Variants in NCAM1 observed in about 807,000 individuals in gnomAD.
NCAM1 encodes antigen recognized by monoclonal antibody 5.1H11.
A neutral mutation model predicts 109.8 loss-of-function variants in NCAM1; 14 were observed. The observed-to-expected ratio is 0.13, with a 90% CI of 0.08 to 0.20. NCAM1 has a LOEUF of 0.20. Ranked by LOEUF, NCAM1 falls within the 10% of genes least tolerant of loss-of-function variation. NCAM1 has a pLI of 1.00. For synonymous variants in NCAM1, 418 were observed against 442.9 expected, an observed-to-expected ratio of 0.94 and a Z score of 0.70; for missense variants, 774 against 1,109.9, an observed-to-expected ratio of 0.70 and a Z score of 4.30.
chr11:113,023,135 C>T (rs1952439970), intron 1 of NCAM1, among the ~76,000 whole-genome samples: 1 of 152,208 alleles, frequency 6.6e-6, no homozygotes, highest in Admixed American at 6.5e-5. Flanking sequence ...AGATACTATA[C>T]TGTTTATGCA....
In NCAM1 at chr11:113,211,221, A is replaced by G. The variant is rs1171706937; in HGVS notation, c.917-3148A>G. On this transcript the variant is annotated intron_variant, in intron 7 of 19. Coordinates refer to ENST00000316851, the MANE Select transcript of NCAM1 (RefSeq NM_181351.5). ...TTCCAACTTGCCATTGTGGCCCATC[A>G]CTGGGGGAGAAATGGGACAGGTTCT... 2.0e-5 allele frequency among the ~76,000 whole-genome samples: 3 copies of G among 152,032 alleles called. No homozygotes were observed. The South Asian group carries it at 6.2e-4, about 32-fold the overall frequency.
intron 1 of NCAM1, among the ~76,000 whole-genome samples, chr11:113,190,347 GAGA>G (rs1943639729): frequency 6.6e-6 from 1 of 152,222 alleles, no homozygotes; most frequent in African/African-American, 2.4e-5. Context: ...TTAACTAACT[GAGA>G]AGGAGAAAGT....
intron 1 of NCAM1, among the ~76,000 whole-genome samples, chr11:113,172,040 C>G (rs572751850): frequency 6.6e-6 from 1 of 152,280 alleles, no homozygotes; most frequent in South Asian, 2.1e-4. Context: ...GTTACCTGGA[C>G]AGTACCATAG....
chr11:113,140,519 G>A (rs577529475), intron 1 of NCAM1, among the ~76,000 whole-genome samples: 3 of 152,302 alleles, frequency 2.0e-5, no homozygotes, highest in African/African-American at 7.2e-5. Context: ...TAAAGCTGAT[G>A]GTCAGCTGTA....
intron 1 of NCAM1, among the ~76,000 whole-genome samples, chr11:112,977,739 G>T (rs1951043242): frequency 6.6e-6 from 1 of 151,818 alleles, no homozygotes; most frequent in Admixed American, 6.6e-5. Flanking sequence ...ATAAACAGTG[G>T]AAATAATTGT....
At chr11:113,134,010 G>C (rs1941508007) in intron 1 of NCAM1, 2 of 150,740 alleles carry the variant, frequency 1.3e-5, no homozygotes, top group South Asian at 4.2e-4. Context: ...ATATAAAATT[G>C]ACCATGTTAA....
chr11:113,271,915 G>T lies in NCAM1; in HGVS notation c.2456+39G>T, dbSNP rs1565542518. The T allele has an allele frequency of 3.4e-6, 5 of 1,485,280 alleles. No individual in the cohort carries two copies. In the East Asian group the frequency reaches 1.0e-4, roughly 30 times the overall value. The allele number at this position is 1,485,280 out of a possible 1,614,324, so 92.0% of individuals were successfully genotyped here. ...GAGGGGCTGGCACCTGCTCCGTAGA[G>T]ACCCCCACACCCACCTCCCCACCCT... On this transcript the variant is annotated intron_variant, in intron 19 of 19. Transcript: ENST00000316851.
rs1417683873 is a variant in NCAM1 at position 113,274,649 on chromosome 11, T to C, written c.2457-618T>C. On this transcript the variant is annotated intron_variant, in intron 19 of 19. Coordinates refer to ENST00000316851, the MANE Select transcript of NCAM1 (RefSeq NM_181351.5). This position sits in a 1 kb window ranked among gnomAD's most constrained non-coding sequence, Gnocchi z 4.1. ...CACTCAGCTGCCCTCAACTCTCGCATAGCCACCAGGCCCACTCTAGTACCC... is the reference window on the plus strand; with the variant it reads ...CACTCAGCTGCCCTCAACTCTCGCACAGCCACCAGGCCCACTCTAGTACCC... Among the ~76,000 whole-genome samples, 2 of 152,162 alleles carry C rather than the reference T, an allele frequency of 1.3e-5. No individual in the cohort carries two copies. The highest frequency in any genetic ancestry group is 4.8e-5 in the African/African-American group (2 of 41,460).
chr11:113,277,278 T>TATA lies in NCAM1; in HGVS notation c.*1894_*1896dup. 2 of 398,986 alleles carry TATA rather than the reference T, an allele frequency of 5.0e-6. No homozygotes were observed. Among genetic ancestry groups the TATA allele is most frequent in the East Asian group, 3.6e-5 (1 of 28,082 alleles). 24.7% of individuals were successfully genotyped at this position (398,986 alleles called of 1,614,324 possible). A position where few individuals can be genotyped will look rare whatever the true frequency, so the allele number is the denominator to read the frequency against. ...AGTCTGATCAGTGGCGATGCTAGATTATAATTTCAAACTGTGAAGAATAAT... is the reference window on the plus strand; with the variant it reads ...AGTCTGATCAGTGGCGATGCTAGATTATAATAATTTCAAACTGTGAAGAATAAT... On this transcript the variant is annotated 3_prime_UTR_variant, in exon 20 of 20. Coordinates refer to ENST00000316851, the MANE Select transcript of NCAM1 (RefSeq NM_181351.5).
In NCAM1 at chr11:113,275,339, G is replaced by A. The variant is rs781998057; in HGVS notation, c.2529G>A (p.Thr843=). 8 of 1,613,486 alleles carry A rather than the reference G, an allele frequency of 5.0e-6. No individual in the cohort carries two copies. The highest frequency in any genetic ancestry group is 4.5e-5 in the East Asian group (2 of 44,852). Residue 843 remains threonine (T), a synonymous_variant, in exon 20 of 20, where the codon ACG becomes ACA. Transcript: ENST00000316851. ...AGCCAGCGCCAGCCGAAGTCAAGAC[G>A]GTCCCCAATGACGCCACACAGACAA... is the stretch of plus-strand genomic sequence containing the variant. ...ETKPAPAEVK[T]VPNDATQTKE... is the part of the protein sequence containing the mutation.
rs1950566713 is a variant in NCAM1 at position 112,961,673 on chromosome 11, T to C, written c.52+9T>C. ...TTTCCTGGGAACTGCAGGTACATTT[T>C]TTTTTTTTTTAATTCTCAATCTGGT... On this transcript the variant is annotated intron_variant, in intron 1 of 19. Transcript: ENST00000316851. 7.0e-7 allele frequency: 1 copy of C among 1,432,410 alleles called. No individual in the cohort carries two copies. Among genetic ancestry groups the C allele is most frequent in the Admixed American group, 1.9e-5 (1 of 52,624 alleles). The allele number at this position is 1,432,410 out of a possible 1,614,324, so 88.7% of individuals were successfully genotyped here.
intron 1 of NCAM1, among the ~76,000 whole-genome samples, chr11:113,132,662 G>A (rs564896179): frequency 2.6e-5 from 4 of 151,390 alleles, no homozygotes; most frequent in African/African-American, 9.7e-5. Flanking sequence ...CAGAGCGGGG[G>A]TGGGGGAGCT....
In NCAM1 at chr11:113,237,283, G is replaced by T. The variant is rs542802736; in HGVS notation, c.1825+2119G>T. 1.3e-5 allele frequency among the ~76,000 whole-genome samples: 2 copies of T among 152,296 alleles called. 1 individual carries two copies. The highest frequency in any genetic ancestry group is 4.1e-4 in the South Asian group (2 of 4,826). ...TTACCCAGGCAGACACAGAAAAAAA[G>T]GTATTCAGGAAGCTGTACAGTCTTT... On this transcript the variant is annotated intron_variant, in intron 14 of 19. Coordinates refer to ENST00000316851, the MANE Select transcript of NCAM1 (RefSeq NM_181351.5).
intron 8 of NCAM1, among the ~76,000 whole-genome samples, chr11:113,218,843 A>G (rs1030871927): frequency 6.6e-6 from 1 of 152,184 alleles, no homozygotes; most frequent in Non-Finnish European, 1.5e-5. Flanking sequence ...TGACCATCAT[A>G]ATGGGTCAAT....
At chr11:113,180,251 G>C (rs1324142513) in intron 1 of NCAM1, among the ~76,000 whole-genome samples, 1 of 152,190 alleles carries the variant, frequency 6.6e-6, no homozygotes, top group African/African-American at 2.4e-5. Flanking sequence ...TATAGCCCCT[G>C]TCTGGAAGAG....
chr11:113,214,175 A>G (rs1944462332), intron 7 of NCAM1, among the ~76,000 whole-genome samples, 194 bp from the exon 8 acceptor site: 1 of 152,186 alleles, frequency 6.6e-6, no homozygotes, highest in Non-Finnish European at 1.5e-5. Flanking sequence ...ATTTCTGATT[A>G]TTATGGTTTC....
At chr11:113,060,367 C>T (rs903126683) in intron 1 of NCAM1, among the ~76,000 whole-genome samples, 3 of 152,120 alleles carry the variant, frequency 2.0e-5, no homozygotes, top group Non-Finnish European at 2.9e-5. Context: ...ACAGTGTAGC[C>T]ATCTTCACTT....
chr11:113,036,029 C>T (rs1158536824), intron 1 of NCAM1, among the ~76,000 whole-genome samples: 2 of 151,966 alleles, frequency 1.3e-5, no homozygotes, highest in Non-Finnish European at 2.9e-5. Context: ...CTGCTCCTGT[C>T]CTGGGTGCCT....
intron 1 of NCAM1, among the ~76,000 whole-genome samples, chr11:113,000,748 A>G (rs1416175208): frequency 1.3e-5 from 2 of 150,538 alleles, no homozygotes; most frequent in African/African-American, 4.9e-5. Flanking sequence ...GTTGCATTCT[A>G]GTGGTTACTT....
Sources: allele counts gnomAD v4.1 joint callset (sites outside exome capture counted in the v4.1 genomes callset), GRCh38; gene constraint gnomAD v4.1.1; non-coding constraint Gnocchi (gnomAD v3.1); transcripts MANE v1.5; gene names NCBI Gene and HGNC (gene_info 2026-07-23, HGNC 2026-07-21).